VPS35L: variants seen among roughly 807,000 people sequenced by gnomAD.
VPS35L encodes the protein VPS35 endosomal protein-sorting factor-like.
VPS35L carries 83 observed loss-of-function variants against 133.0 expected under a neutral mutation model. That is an observed-to-expected ratio of 0.62 (90% CI 0.52 to 0.75). VPS35L has a LOEUF of 0.75. Ranked by LOEUF, VPS35L falls within the 30% of genes least tolerant of loss-of-function variation. The pLI, the probability that VPS35L is intolerant of heterozygous loss-of-function variation, is 0.00. For missense variants in VPS35L, 1,083 were observed against 1,206.8 expected (o/e 0.90, Z 1.52); for synonymous variants, 423 against 449.9 (o/e 0.94, Z 0.76).
At chr16:19,643,951 T>TC (rs1973863208) in intron 22 of VPS35L, among the ~76,000 whole-genome samples, 1 of 151,972 alleles carries the variant, frequency 6.6e-6, no homozygotes, top group Admixed American at 6.6e-5. Context: ...AGAGCGAAAC[T>TC]CCATCTCAAA....
intron 5 of VPS35L, 54 bp from the exon 6 acceptor site, chr16:19,578,998 G>T: frequency 6.3e-6 from 9 of 1,422,812 alleles, no homozygotes; most frequent in Non-Finnish European, 8.9e-6. Context: ...CCTCCACTGG[G>T]GGTATTGGTG....
At position 19,642,395 on chromosome 16, in the gene VPS35L, G is replaced by C; in HGVS notation, c.1785-1G>C. The C allele has an allele frequency of 6.2e-7, 1 of 1,613,172 alleles. No individual in the cohort carries two copies. The highest frequency in any genetic ancestry group is 8.5e-7 in the Non-Finnish European group (1 of 1,179,396). ...GACTTTTATCTTTAAATGTCTCCTA[G>C]GCATCAACAAGAGCCCACCAAGGAC... On this transcript the variant is annotated splice_acceptor_variant, in intron 21 of 30. Coordinates refer to ENST00000417362, the MANE Select transcript of VPS35L (RefSeq NM_020314.7). LOFTEE classifies it high-confidence loss of function.
chr16:19,645,010 T>C (rs569239459), intron 23 of VPS35L, 61 bp downstream of exon 23: 19 of 1,218,176 alleles, frequency 1.6e-5, no homozygotes, highest in East Asian at 2.4e-5. Flanking sequence ...TTTATCCTTA[T>C]GTTGGCGAAA....
intron 27 of VPS35L, 126 bp downstream of exon 27, chr16:19,669,425 A>G: frequency 8.3e-7 from 1 of 1,210,846 alleles, no homozygotes. Context: ...TTTTCCAGTT[A>G]GGTATTTGAA....
intron 29 of VPS35L, among the ~76,000 whole-genome samples, chr16:19,692,789 C>T (rs1055923302): frequency 6.6e-6 from 1 of 152,158 alleles, no homozygotes; most frequent in Non-Finnish European, 1.5e-5. Flanking sequence ...TCTCGAATTC[C>T]TGAGCTCAAG....
At position 19,633,191 on chromosome 16, in the gene VPS35L, T is replaced by C; in HGVS notation, c.1635+19T>C. The stretch of plus-strand genomic sequence containing the variant: ...CCCCCAGGTAACAGATTTGCATTTC[T>C]CATTTCAACATTGTTAGGAATTTTG... On this transcript the variant is annotated intron_variant, in intron 19 of 30. Transcript: ENST00000417362. This position sits in a 1 kb window ranked among gnomAD's most constrained non-coding sequence, Gnocchi z 4.1. 6.2e-7 allele frequency: 1 copy of C among 1,608,422 alleles called. No individual in the cohort carries two copies. Among genetic ancestry groups the C allele is most frequent in the South Asian group, 1.1e-5 (1 of 90,968 alleles).
At chr16:19,674,978 T>C (rs1975014491) in intron 27 of VPS35L, among the ~76,000 whole-genome samples, 1 of 148,972 alleles carries the variant, frequency 6.7e-6, no homozygotes, top group African/African-American at 2.5e-5. Context: ...TGAGACAGGA[T>C]CTCACTCTGT....
intron 8 of VPS35L, among the ~76,000 whole-genome samples, chr16:19,596,914 G>T (rs569660169): frequency 6.6e-6 from 1 of 152,196 alleles, no homozygotes; most frequent in African/African-American, 2.4e-5. Flanking sequence ...AGCTACTCGG[G>T]AGGCTTAGGT....
chr16:19,657,119 C>A (rs1181642302), intron 26 of VPS35L, among the ~76,000 whole-genome samples: 1 of 151,916 alleles, frequency 6.6e-6, no homozygotes, highest in African/African-American at 2.4e-5. Flanking sequence ...GCGTGCACCA[C>A]CACACCGGGC....
chr16:19,609,075 T>C lies in VPS35L; in HGVS notation c.929+54T>C, dbSNP rs3764317. 3.0e-5 allele frequency: 43 copies of C among 1,455,004 alleles called. No individual in the cohort carries two copies. The East Asian group carries it at 9.8e-4, about 33-fold the overall frequency. 90.1% of individuals were successfully genotyped at this position (1,455,004 alleles called of 1,614,324 possible). A position where few individuals can be genotyped will look rare whatever the true frequency, so the allele number is the denominator to read the frequency against. On this transcript the variant is annotated intron_variant, in intron 11 of 30. Coordinates refer to ENST00000417362, the MANE Select transcript of VPS35L (RefSeq NM_020314.7). Reference sequence around the variant, plus strand: ...ATAAAATTTCTAAAAATCTCCCATGTGTACACAGATAGTAATGGCAATGTA... The same window carrying C: ...ATAAAATTTCTAAAAATCTCCCATGCGTACACAGATAGTAATGGCAATGTA...
At chr16:19,560,690 G>A (rs2151497437) in intron 1 of VPS35L, among the ~76,000 whole-genome samples, 1 of 152,152 alleles carries the variant, frequency 6.6e-6, no homozygotes, top group African/African-American at 2.4e-5. Context: ...CAGTCACTTG[G>A]GAGGCTGAGG....
chr16:19,583,719 C>CA (rs201288095), intron 7 of VPS35L, among the ~76,000 whole-genome samples: 244 of 116,354 alleles, frequency 2.1e-3, no homozygotes, highest in African/African-American at 3.5e-3. Context: ...GAGATTGTCT[C>CA]AAAAAAAAAA....
intron 8 of VPS35L, among the ~76,000 whole-genome samples, chr16:19,600,239 G>A (rs937658491): frequency 4.3e-5 from 6 of 138,056 alleles, no homozygotes; most frequent in East Asian, 2.1e-4. Context: ...GTTCTTTATT[G>A]CCCTGAATAA....
chr16:19,652,897 A>G (rs928923151), intron 26 of VPS35L, among the ~76,000 whole-genome samples: 3 of 152,250 alleles, frequency 2.0e-5, no homozygotes, highest in African/African-American at 7.2e-5. Flanking sequence ...GCCATCCATT[A>G]GGCAAGGATG....
intron 14 of VPS35L, among the ~76,000 whole-genome samples, chr16:19,623,251 T>C (rs1973141503): frequency 6.6e-6 from 1 of 152,112 alleles, no homozygotes; most frequent in African/African-American, 2.4e-5. Context: ...TATTTTCTCA[T>C]AGTTCTGAAG....
At chr16:19,665,230 A>G (rs547238250) in intron 26 of VPS35L, among the ~76,000 whole-genome samples, 2 of 152,176 alleles carry the variant, frequency 1.3e-5, no homozygotes, top group African/African-American at 4.8e-5. Flanking sequence ...TAAATTATTG[A>G]CTAGAGTCAC....
chr16:19,589,723 G>T (rs2151525986), intron 7 of VPS35L, among the ~76,000 whole-genome samples: 1 of 152,308 alleles, frequency 6.6e-6, no homozygotes, highest in East Asian at 1.9e-4. Flanking sequence ...TATTCCTGTT[G>T]TCCTTTATAA....
At chr16:19,651,349 G>A (rs1974116148) in intron 25 of VPS35L, among the ~76,000 whole-genome samples, 1 of 151,976 alleles carries the variant, frequency 6.6e-6, no homozygotes, top group African/African-American at 2.4e-5. Flanking sequence ...ATAGCTCACT[G>A]TAACCACCAT....
At chr16:19,618,169 CA>C (rs1414139299) in intron 14 of VPS35L, 1 of 147,914 alleles carries the variant, frequency 6.8e-6, no homozygotes, top group African/African-American at 2.5e-5. Flanking sequence ...AGAGAGACTA[CA>C]AAACAAGGAC....
Sources: gnomAD v4.1 joint callset for allele counts (sites outside exome capture counted in the v4.1 genomes callset) on GRCh38, gnomAD v4.1.1 for gene constraint, Gnocchi (gnomAD v3.1) non-coding constraint, MANE v1.5 for transcripts, NCBI Gene and HGNC (gene_info 2026-07-23, HGNC 2026-07-21) for gene names.